Variants in ABTB2 observed in about 807,000 individuals in gnomAD.
The protein encoded by ABTB2 is ankyrin repeat and BTB/POZ domain-containing protein 2.
ABTB2 carries 56 observed loss-of-function variants against 104.1 expected under a neutral mutation model. The observed-to-expected ratio is 0.54, with a 90% CI of 0.43 to 0.67. The LOEUF (loss-of-function observed/expected upper bound fraction) is 0.67. ABTB2 is among the 30% of genes least tolerant of loss of function. The pLI, the probability that ABTB2 is intolerant of heterozygous loss-of-function variation, is 0.00. For missense variants in ABTB2, 1,279 were observed against 1,407.7 expected, an observed-to-expected ratio of 0.91 and a Z score of 1.46; for synonymous variants, 606 against 608.2, an observed-to-expected ratio of 1.00 and a Z score of 0.05.
At chr11:34,216,908 C>T (rs1213595158) in intron 1 of ABTB2, among the ~76,000 whole-genome samples, 2 of 152,232 alleles carry the variant, frequency 1.3e-5, no homozygotes, top group African/African-American at 4.8e-5. Context: ...GACACGCCCA[C>T]CAGTGTGCCA....
chr11:34,316,372 C>A (rs946907236), intron 1 of ABTB2, among the ~76,000 whole-genome samples: 1 of 152,218 alleles, frequency 6.6e-6, no homozygotes, highest in East Asian at 1.9e-4. Context: ...GGTTAGCACT[C>A]GCCTTTCAGC....
intron 1 of ABTB2, among the ~76,000 whole-genome samples, chr11:34,293,258 A>ACTAGGACTG (rs1238340092): frequency 1.3e-5 from 2 of 151,208 alleles, no homozygotes; most frequent in Non-Finnish European, 2.9e-5. Context: ...GGGAGGTGAG[A>ACTAGGACTG]CTAGGACTGC....
At chr11:34,317,481 A>AT (rs1348985261) in intron 1 of ABTB2, among the ~76,000 whole-genome samples, 3 of 152,190 alleles carry the variant, frequency 2.0e-5, no homozygotes, top group African/African-American at 7.2e-5. Context: ...GGTCAACGAA[A>AT]TTAAGAATGG....
At chr11:34,182,349 G>C (rs1590209700) in intron 3 of ABTB2, among the ~76,000 whole-genome samples, 2 of 152,134 alleles carry the variant, frequency 1.3e-5, no homozygotes, top group African/African-American at 2.4e-5. Flanking sequence ...GGCATGGCTT[G>C]GAGGCAGAGT....
intron 1 of ABTB2, among the ~76,000 whole-genome samples, chr11:34,222,292 G>T (rs1853634364): frequency 6.6e-6 from 1 of 152,172 alleles, no homozygotes. Flanking sequence ...GATGATAAAT[G>T]CTTCTGCTTA....
At chr11:34,318,202 C>T (rs1325101414) in intron 1 of ABTB2, among the ~76,000 whole-genome samples, 1 of 152,204 alleles carries the variant, frequency 6.6e-6, no homozygotes, top group Non-Finnish European at 1.5e-5. Flanking sequence ...CTCCTGACCT[C>T]AGGTGATCCA....
intron 1 of ABTB2, among the ~76,000 whole-genome samples, chr11:34,276,709 G>A (rs1027435417): frequency 2.0e-5 from 3 of 152,186 alleles, no homozygotes; most frequent in Admixed American, 1.3e-4. Flanking sequence ...GAAGACAAGG[G>A]GAGAGAGGGA....
chr11:34,171,278 A>T (rs76218695), intron 4 of ABTB2, among the ~76,000 whole-genome samples: 1,609 of 152,324 alleles, frequency 0.011, 22 homozygotes, highest in African/African-American at 0.037. Flanking sequence ...TAAGTACATT[A>T]AAAAATTGCT....
At chr11:34,322,932 T>C (rs56378837) in intron 1 of ABTB2, among the ~76,000 whole-genome samples, 2,102 of 152,230 alleles carry the variant, frequency 0.014, 47 homozygotes, top group African/African-American at 0.048. Flanking sequence ...ATTTATGAGA[T>C]TGAGTCTCGC....
intron 3 of ABTB2, among the ~76,000 whole-genome samples, chr11:34,196,033 G>A (rs1457922851): frequency 6.6e-6 from 1 of 152,194 alleles, no homozygotes; most frequent in Non-Finnish European, 1.5e-5. Context: ...GGTGAAATGT[G>A]TGTGGATGGG....
chr11:34,223,968 G>C (rs1853657150), intron 1 of ABTB2, among the ~76,000 whole-genome samples: 1 of 152,154 alleles, frequency 6.6e-6, no homozygotes, highest in Non-Finnish European at 1.5e-5. Flanking sequence ...TACAACTTCA[G>C]GGTATGCTGT....
At chr11:34,299,991 G>A (rs1327002887) in intron 1 of ABTB2, among the ~76,000 whole-genome samples, 5 of 152,194 alleles carry the variant, frequency 3.3e-5, no homozygotes, top group Admixed American at 2.0e-4. Context: ...GAATAAAGTA[G>A]TTAGCACAGT....
At chr11:34,242,853 G>A (rs972862253) in intron 1 of ABTB2, among the ~76,000 whole-genome samples, 5 of 152,140 alleles carry the variant, frequency 3.3e-5, no homozygotes, top group African/African-American at 1.2e-4. Context: ...TCATTTTCCA[G>A]AACAGGGAGC....
chr11:34,192,262 C>T (rs1302408356), intron 3 of ABTB2, among the ~76,000 whole-genome samples: 1 of 152,174 alleles, frequency 6.6e-6, no homozygotes, highest in Admixed American at 6.5e-5. Flanking sequence ...CACTGCACTC[C>T]AGCCTGGGAG....
intron 1 of ABTB2, among the ~76,000 whole-genome samples, chr11:34,329,535 T>C (rs768651031): frequency 5.9e-5 from 9 of 152,244 alleles, no homozygotes; most frequent in Non-Finnish European, 1.3e-4. Context: ...ACTGGTTCAA[T>C]GATGGGGCAC....
intron 1 of ABTB2, among the ~76,000 whole-genome samples, chr11:34,323,150 G>A (rs577115232): frequency 3.3e-5 from 5 of 152,200 alleles, no homozygotes; most frequent in African/African-American, 4.8e-5. Flanking sequence ...CAAGTGATCC[G>A]CCTGCCTCAG....
chr11:34,183,308 C>T (rs1055241124), intron 3 of ABTB2, among the ~76,000 whole-genome samples: 3 of 152,158 alleles, frequency 2.0e-5, no homozygotes, highest in East Asian at 1.9e-4. Context: ...CCATGTTGCC[C>T]GGGCTGGTCT....
At chr11:34,298,240 T>C (rs1854650415) in intron 1 of ABTB2, among the ~76,000 whole-genome samples, 1 of 152,064 alleles carries the variant, frequency 6.6e-6, no homozygotes, top group African/African-American at 2.4e-5. Context: ...GGCTATCAAC[T>C]ACTCCAATAC....
chr11:34,168,604 G>A (rs1852832944), intron 5 of ABTB2, among the ~76,000 whole-genome samples: 1 of 152,194 alleles, frequency 6.6e-6, no homozygotes, highest in African/African-American at 2.4e-5. Flanking sequence ...AGCAGAGAAG[G>A]GGAACTGACT....
Sources: allele counts gnomAD v4.1 joint callset (sites outside exome capture counted in the v4.1 genomes callset), GRCh38; gene constraint gnomAD v4.1.1; transcripts MANE v1.5; gene names NCBI Gene and HGNC (gene_info 2026-07-23, HGNC 2026-07-21).